Variants in PRDM11 observed in about 807,000 individuals in gnomAD.
PRDM11 encodes the protein PR domain-containing protein 11.
PRDM11 carries 20 observed loss-of-function variants against 97.8 expected under a neutral mutation model. The ratio of observed to expected loss-of-function variants is 0.20; its 90% CI spans 0.14 to 0.30. PRDM11 has a LOEUF of 0.30. Ranked by LOEUF, PRDM11 falls within the 10% of genes least tolerant of loss-of-function variation. The pLI is 1.00. For missense variants in PRDM11, 1,139 were observed against 1,555.2 expected, an observed-to-expected ratio of 0.73 and a Z score of 4.50; for synonymous variants, 599 against 637.7, an observed-to-expected ratio of 0.94 and a Z score of 0.91.
At chr11:45,196,678 C>T (rs927008771) in intron 4 of PRDM11, among the ~76,000 whole-genome samples, 15 of 152,178 alleles carry the variant, frequency 9.9e-5, no homozygotes, top group African/African-American at 3.6e-4. Flanking sequence ...CAGGAGCCTG[C>T]CTCCTTACCA....
Position 45,163,533 on chromosome 11 carries a change from C to T in PRDM11, c.-7+16656C>T, listed in dbSNP as rs1015740064. On this transcript the variant is annotated intron_variant, in intron 1 of 7. Coordinates refer to ENST00000683152, the MANE Select transcript of PRDM11 (RefSeq NM_001384648.1). ...TCCCAGGAAGTAACTCCCACCTCAGCTGCTCCTGATCGTAGGGAATTCCCC... is the reference window on the plus strand; with the variant it reads ...TCCCAGGAAGTAACTCCCACCTCAGTTGCTCCTGATCGTAGGGAATTCCCC... Among the ~76,000 whole-genome samples the T allele has an allele frequency of 9.2e-5, 14 of 152,166 alleles. No homozygotes were observed. The East Asian group carries it at 1.9e-3, about 21-fold the overall frequency.
intron 1 of PRDM11, among the ~76,000 whole-genome samples, chr11:45,112,382 A>G (rs1852201726): frequency 6.6e-6 from 1 of 152,216 alleles, no homozygotes. Context: ...TGCAATTGCA[A>G]ATTGTGAGGC....
chr11:45,187,279 A>G (rs144513705), intron 4 of PRDM11, among the ~76,000 whole-genome samples: 9 of 152,260 alleles, frequency 5.9e-5, no homozygotes, highest in South Asian at 2.1e-4. Flanking sequence ...TGAAGGATGG[A>G]TAGACGTTCA....
intron 1 of PRDM11, among the ~76,000 whole-genome samples, chr11:45,138,018 C>T (rs546972689): frequency 6.6e-6 from 1 of 152,220 alleles, no homozygotes; most frequent in African/African-American, 2.4e-5. Context: ...CTACACCACA[C>T]GGGGAAAACA....
In PRDM11 at chr11:45,226,798, C is replaced by T. The variant is rs748462609; in HGVS notation, c.2173C>T (p.Pro725Ser). Reference sequence around the variant, plus strand: ...GGGCATCCGGTTGCAGGATGAAAAGCCAACTGTTGGCTTGGGTGTAGATGG... The same window carrying T: ...GGGCATCCGGTTGCAGGATGAAAAGTCAACTGTTGGCTTGGGTGTAGATGG... ...ALGIRLQDEK[P>S]TVGLGVDGAN... The change falls in exon 8 of 8, where the codon CCA becomes TCA. Residue 725 changes from proline to serine, a missense_variant. Physicochemically the swap from Pro to Ser is moderately conservative, Grantham distance 74 (BLOSUM62 -1). Transcript: ENST00000683152. The T allele has an allele frequency of 2.0e-6, 3 of 1,533,838 alleles. No individual in the cohort carries two copies. The African/African-American group carries it at 4.1e-5, about 21-fold the overall frequency.
chr11:45,204,839 G>A, intron 5 of PRDM11, 61 bp downstream of exon 5: 2 of 1,512,532 alleles, frequency 1.3e-6, no homozygotes, highest in Non-Finnish European at 1.8e-6. Context: ...GGAGCCAAGG[G>A]AGTGTGTTGG....
chr11:45,104,584 A>C (rs574653503), intron 1 of PRDM11, among the ~76,000 whole-genome samples: 1 of 152,214 alleles, frequency 6.6e-6, no homozygotes, highest in South Asian at 2.1e-4. Flanking sequence ...TTCAGACCCC[A>C]CCCAGCTATG....
intron 1 of PRDM11, among the ~76,000 whole-genome samples, chr11:45,181,089 G>A (rs547577845): frequency 1.2e-4 from 18 of 152,274 alleles, no homozygotes; most frequent in Admixed American, 1.0e-3. Context: ...CCCTCGCCCC[G>A]AAGAGTGTCC....
At chr11:45,210,520 C>T (rs113399492) in intron 5 of PRDM11, among the ~76,000 whole-genome samples, 26 of 152,310 alleles carry the variant, frequency 1.7e-4, no homozygotes, top group African/African-American at 5.8e-4. Context: ...CTGACCGGCT[C>T]GTGAGTGGTG....
At chr11:45,105,697 CACA>C (rs1401999402) in intron 1 of PRDM11, among the ~76,000 whole-genome samples, 1 of 152,226 alleles carries the variant, frequency 6.6e-6, no homozygotes, top group Non-Finnish European at 1.5e-5. Context: ...ACCTGGTGGC[CACA>C]ACAACAATTG....
rs114963422 is a variant in PRDM11 at position 45,136,537 on chromosome 11, G to A, written c.96+40636G>A. On this transcript the variant is annotated intron_variant, in intron 1 of 6. Coordinates refer to the PRDM11 transcript ENST00000530656. ...GTAGAGAAGATGGAATCAAATCTGA[G>A]TACCCAATGCGGGGCACTGGAACAC... 1.3e-3 allele frequency among the ~76,000 whole-genome samples: 203 copies of A among 152,304 alleles called. 2 individuals carry two copies. Among genetic ancestry groups the A allele is most frequent in the African/African-American group, 3.9e-3 (163 of 41,558 alleles).
chr11:45,166,685 A>G (rs955360058), intron 1 of PRDM11, among the ~76,000 whole-genome samples: 9 of 152,250 alleles, frequency 5.9e-5, no homozygotes, highest in African/African-American at 2.2e-4. Context: ...GAGTGAGTGA[A>G]CAGATAATGC....
At chr11:45,174,274 A>C (rs772177855) in intron 1 of PRDM11, among the ~76,000 whole-genome samples, 2 of 152,238 alleles carry the variant, frequency 1.3e-5, no homozygotes, top group Non-Finnish European at 1.5e-5. Context: ...AATATTGTAC[A>C]GTATCCTATG....
Position 45,206,290 on chromosome 11 carries a change from G to A in PRDM11, c.554+1512G>A, listed in dbSNP as rs369261663. On this transcript the variant is annotated intron_variant, in intron 5 of 7. Coordinates refer to ENST00000683152, the MANE Select transcript of PRDM11 (RefSeq NM_001384648.1). ...TGTAGTTTTTGCACCGAGGCACAAT[G>A]TGCTGCAGAGGCCCAGATGAAAGAG... Among the ~76,000 whole-genome samples, 7 of 152,278 alleles carry A rather than the reference G, an allele frequency of 4.6e-5. No homozygotes were observed. In the South Asian group the frequency reaches 8.3e-4, roughly 18 times the overall value.
intron 1 of PRDM11, among the ~76,000 whole-genome samples, chr11:45,169,361 C>T (rs1852146139): frequency 6.6e-6 from 1 of 152,204 alleles, no homozygotes; most frequent in African/African-American, 2.4e-5. Flanking sequence ...CTGTCACAGC[C>T]TAGAGCTGTT....
Position 45,166,538 on chromosome 11 carries a change from G to C in PRDM11, c.-6-15223G>C, listed in dbSNP as rs549878286. Among the ~76,000 whole-genome samples, 24 of 152,352 alleles carry C rather than the reference G, an allele frequency of 1.6e-4. No individual in the cohort carries two copies. In the South Asian group the frequency reaches 5.0e-3, roughly 32 times the overall value. On this transcript the variant is annotated intron_variant, in intron 1 of 7. Transcript: ENST00000683152. ...AGATGGGGGCTCCCCAGGGACACCA[G>C]GGGGCCTGGATGCCAGCAGGCAAAT... is the stretch of plus-strand genomic sequence containing the variant.
chr11:45,177,728 G>A (rs1365738180), intron 1 of PRDM11, among the ~76,000 whole-genome samples: 3 of 152,140 alleles, frequency 2.0e-5, no homozygotes, highest in African/African-American at 7.2e-5. Context: ...CAATAAATAG[G>A]TGTCAGATAA....
chr11:45,200,680 G>A (rs1003092651), intron 4 of PRDM11, among the ~76,000 whole-genome samples: 2 of 152,190 alleles, frequency 1.3e-5, no homozygotes, highest in Non-Finnish European at 2.9e-5. Context: ...TAATGTAGGG[G>A]GAGTAGTGTT....
chr11:45,227,965 C>T lies in PRDM11; in HGVS notation c.3340C>T (p.Leu1114=). The T allele has an allele frequency of 6.5e-7, 1 of 1,533,842 alleles. No individual in the cohort carries two copies. Among genetic ancestry groups the T allele is most frequent in the Non-Finnish European group, 8.7e-7 (1 of 1,146,718 alleles). Reference sequence around the variant, plus strand: ...CCTGACCCTGGAGCAGCTTAGCGACCTGTTGACAATCGCTGTAAACGGACC... The same window carrying T: ...CCTGACCCTGGAGCAGCTTAGCGACTTGTTGACAATCGCTGTAAACGGACC... ...SRLTLEQLSD[L]LTIAVNGPPI... is the part of the protein sequence containing the mutation. The change falls in exon 8 of 8, where the codon CTG becomes TTG. Residue 1114 remains leucine, a synonymous_variant. Coordinates refer to ENST00000683152, the MANE Select transcript of PRDM11 (RefSeq NM_001384648.1). The surrounding 1 kb of genome is among the most constrained non-coding windows in gnomAD (Gnocchi z 8.0).
Sources: allele counts gnomAD v4.1 joint callset (sites outside exome capture counted in the v4.1 genomes callset), GRCh38; gene constraint gnomAD v4.1.1; non-coding constraint Gnocchi (gnomAD v3.1); transcripts MANE v1.5; gene names NCBI Gene and HGNC (gene_info 2026-07-23, HGNC 2026-07-21).